The following IDH2 variants were observed in gnomAD, a reference collection of about 807,000 sequenced individuals.
The protein encoded by IDH2 is isocitrate dehydrogenase (NADP(+)) 2.
Under a neutral mutation model 50.5 loss-of-function variants are expected in IDH2, and 18 were observed. The observed-to-expected ratio is 0.36, with a 90% CI of 0.25 to 0.53. IDH2 has a LOEUF of 0.53. Ranked by LOEUF, IDH2 falls within the 20% of genes least tolerant of loss-of-function variation. IDH2 has a pLI of 0.92. For missense variants in IDH2, 518 were observed against 610.7 expected, an observed-to-expected ratio of 0.85 and a Z score of 1.60; for synonymous variants, 280 against 239.8, an observed-to-expected ratio of 1.17 and a Z score of -1.55.
Position 90,084,673 on chromosome 15 carries a change from C to T in IDH2, c.1271+143G>A. ...CTAGACCTGGTCTACAGAGGCTGGCCTGAGCAGTCTCTCAGGGCTGTGGAC... is the reference window on the plus strand; with the variant it reads ...CTAGACCTGGTCTACAGAGGCTGGCTTGAGCAGTCTCTCAGGGCTGTGGAC... On this transcript the variant is annotated intron_variant, in intron 10 of 10. Transcript: ENST00000330062. This position sits in a 1 kb window ranked among gnomAD's most constrained non-coding sequence, Gnocchi z 5.0. 1.3e-6 allele frequency: 1 copy of T among 767,862 alleles called. No homozygotes were observed. Among genetic ancestry groups the T allele is most frequent in the Non-Finnish European group, 2.3e-6 (1 of 437,316 alleles). The allele number at this position is 767,862 out of a possible 1,614,324, so 47.6% of individuals were successfully genotyped here.
Position 90,085,205 on chromosome 15 carries a change from G to T in IDH2, c.1080+70C>A. 2 of 1,524,556 alleles carry T rather than the reference G, an allele frequency of 1.3e-6. No individual in the cohort carries two copies. Among genetic ancestry groups the T allele is most frequent in the South Asian group, 1.1e-5 (1 of 87,912 alleles). The allele number at this position is 1,524,556 out of a possible 1,614,324, so 94.4% of individuals were successfully genotyped here. A position where few individuals can be genotyped will look rare whatever the true frequency, so the allele number is the denominator to read the frequency against. Reference sequence around the variant, plus strand: ...CTGGTGGGTCAGGCTCGTCCTTCCAGCCCTCAGCCCAGTGGGCTTTAGGCC... The same window carrying T: ...CTGGTGGGTCAGGCTCGTCCTTCCATCCCTCAGCCCAGTGGGCTTTAGGCC... On this transcript the variant is annotated intron_variant, in intron 8 of 10. Coordinates refer to ENST00000330062, the MANE Select transcript of IDH2 (RefSeq NM_002168.4). This position sits in a 1 kb window ranked among gnomAD's most constrained non-coding sequence, Gnocchi z 5.5.
intron 1 of IDH2, among the ~76,000 whole-genome samples, chr15:90,094,146 C>A (rs917240749): frequency 2.6e-5 from 4 of 152,156 alleles, no homozygotes; most frequent in African/African-American, 9.7e-5. Flanking sequence ...AGGGGCTGAT[C>A]AGAGGTCCAG....
In IDH2 at chr15:90,100,538, C is replaced by T. The variant is rs1379636775; in HGVS notation, c.115+1738G>A. 1 of 739,992 alleles carries T rather than the reference C, an allele frequency of 1.4e-6. No individual in the cohort carries two copies. Among genetic ancestry groups the T allele is most frequent in the African/African-American group, 1.9e-5 (1 of 52,446 alleles). The allele number at this position is 739,992 out of a possible 1,614,324, so 45.8% of individuals were successfully genotyped here. A position where few individuals can be genotyped will look rare whatever the true frequency, so the allele number is the denominator to read the frequency against. On this transcript the variant is annotated intron_variant, in intron 1 of 10. Coordinates refer to ENST00000330062, the MANE Select transcript of IDH2 (RefSeq NM_002168.4). This position sits in a 1 kb window ranked among gnomAD's most constrained non-coding sequence, Gnocchi z 4.1. ...TAAGTAATTCTGCCACTGAGCCGTT[C>T]ACAGAACTGGTCCGCACTGCCCCAA...
Position 90,085,531 on chromosome 15 carries a change from G to C in IDH2, c.968-144C>G. The C allele has an allele frequency of 1.4e-6, 1 of 714,942 alleles. No homozygotes were observed. Among genetic ancestry groups the C allele is most frequent in the East Asian group, 2.7e-5 (1 of 37,242 alleles). The allele number at this position is 714,942 out of a possible 1,614,324, so 44.3% of individuals were successfully genotyped here. On this transcript the variant is annotated intron_variant, in intron 7 of 10. Coordinates refer to ENST00000330062, the MANE Select transcript of IDH2 (RefSeq NM_002168.4). The surrounding 1 kb of genome is among the most constrained non-coding windows in gnomAD (Gnocchi z 5.5). ...TCCCCCAGCTGCAACTGGGAGGACA[G>C]GGACTGTTCCAGGTCTCTTCACCCT...
At chr15:90,099,535 G>A (rs1901275652) in intron 1 of IDH2, among the ~76,000 whole-genome samples, 1 of 152,188 alleles carries the variant, frequency 6.6e-6, no homozygotes, top group Admixed American at 6.5e-5. Context: ...TGGCACAATT[G>A]TACCTCACTG....
At position 90,083,130 on chromosome 15, in the gene IDH2, T is replaced by TA. The variant is rs1900767647; in HGVS notation, c.*1135_*1136insT. The TA allele has an allele frequency of 8.6e-6, 1 of 116,122 alleles. No homozygotes were observed. Among genetic ancestry groups the TA allele is most frequent in the Non-Finnish European group, 1.8e-5 (1 of 56,168 alleles). The allele number at this position is 116,122 out of a possible 1,614,324, so 7.2% of individuals were successfully genotyped here. ...ACTTGCATAGAGCAATTTTTTTTTTTTTTTTTTTTTTTTTTTTTTTGAGAC... is the reference window on the plus strand; with the variant it reads ...ACTTGCATAGAGCAATTTTTTTTTTTATTTTTTTTTTTTTTTTTTTTGAGAC... On this transcript the variant is annotated 3_prime_UTR_variant, in exon 11 of 11. Transcript: ENST00000330062.
At position 90,085,883 on chromosome 15, in the gene IDH2, T is replaced by C. The variant is rs1427217749; in HGVS notation, c.968-496A>G. ...CCACATGTCAACTCCAGCAAGCTTT[T>C]CTATTGTCAAGGACTCCAGGGCTTC... On this transcript the variant is annotated intron_variant, in intron 7 of 10. Transcript: ENST00000330062. This position sits in a 1 kb window ranked among gnomAD's most constrained non-coding sequence, Gnocchi z 5.5. Among the ~76,000 whole-genome samples the C allele has an allele frequency of 1.3e-5, 2 of 152,204 alleles. No individual in the cohort carries two copies. The highest frequency in any genetic ancestry group is 4.8e-5 in the African/African-American group (2 of 41,442).
Position 90,091,650 on chromosome 15 carries a change from AG to A in IDH2, c.116-7del. 5 of 1,613,138 alleles carry A rather than the reference AG, an allele frequency of 3.1e-6. No individual in the cohort carries two copies. The highest frequency in any genetic ancestry group is 4.2e-6 in the Non-Finnish European group (5 of 1,179,036). ...CTTGATCCTTTTGTCGGCATCTAGA[AG>A]CAGGGACACACAGCGCATCATGCCC... On this transcript the variant is annotated splice_polypyrimidine_tract_variant and splice_region_variant and intron_variant, in intron 1 of 10. Transcript: ENST00000330062.
rs751842511 is a variant in IDH2 at position 90,085,146 on chromosome 15, G to A, written c.1081-48C>T. 4.6e-5 allele frequency: 73 copies of A among 1,587,592 alleles called. No individual in the cohort carries two copies. The highest frequency in any genetic ancestry group is 2.0e-4 in the Admixed American group (12 of 59,930). ...GATCAAGAGCCGAGCCAGCTAGTGA[G>A]GAGGCTGCCCAGATACAGCTGCCCG... is the stretch of plus-strand genomic sequence containing the variant. On this transcript the variant is annotated intron_variant, in intron 8 of 10. Coordinates refer to ENST00000330062, the MANE Select transcript of IDH2 (RefSeq NM_002168.4). This position sits in a 1 kb window ranked among gnomAD's most constrained non-coding sequence, Gnocchi z 5.5.
In IDH2 at chr15:90,088,445, G is replaced by A. The variant is rs1310664391; in HGVS notation, c.592C>T (p.Pro198Ser). The A allele has an allele frequency of 6.2e-7, 1 of 1,614,186 alleles. No homozygotes were observed. The highest frequency in any genetic ancestry group is 1.3e-5 in the African/African-American group (1 of 75,052). Reference sequence around the variant, plus strand: ...TCCTTGACACCACTGCCATCTTTTGGGGTGAAGACCATTTTGAAAGTGCCG... The same window carrying A: ...TCCTTGACACCACTGCCATCTTTTGAGGTGAAGACCATTTTGAAAGTGCCG... The part of the protein sequence containing the change: ...RAGTFKMVFT[P>S]KDGSGVKEWE... The change falls in exon 5 of 11, where the codon CCA becomes TCA. Residue 198 changes from proline (P) to serine (S), a missense_variant. Physicochemically the swap from Pro to Ser is moderately conservative, Grantham distance 74. Transcript: ENST00000330062.
At chr15:90,101,462 G>A (rs1235761126) in intron 1 of IDH2, among the ~76,000 whole-genome samples, 2 of 152,210 alleles carry the variant, frequency 1.3e-5, no homozygotes, top group African/African-American at 4.8e-5. Flanking sequence ...CTCGGGCTAA[G>A]TCTTGCTTAT....
chr15:90,088,566 C>G (rs1338437488), intron 4 of IDH2, 21 bp downstream of exon 4: 1 of 1,614,182 alleles, frequency 6.2e-7, no homozygotes. Context: ...GTCAGTGGAT[C>G]CCCTCTCCAC....
At position 90,090,513 on chromosome 15, in the gene IDH2, A is replaced by G; in HGVS notation, c.339T>C (p.Cys113=). The part of the protein sequence containing the change: ...ATQKYSVAVK[C]ATITPDEARV... ...GGGCCTCATCAGGGGTGATGGTGGC[A>G]CACTTGACAGCCACACTGTACTTCT... The change falls in exon 3 of 11, where the codon TGT becomes TGC. Residue 113 remains cysteine, a synonymous_variant. Coordinates refer to ENST00000330062, the MANE Select transcript of IDH2 (RefSeq NM_002168.4). The G allele has an allele frequency of 6.2e-7, 1 of 1,613,932 alleles. No homozygotes were observed. The highest frequency in any genetic ancestry group is 8.5e-7 in the Non-Finnish European group (1 of 1,180,004).
chr15:90,084,485 G>A lies in IDH2; in HGVS notation c.1272-132C>T. 1 of 834,856 alleles carries A rather than the reference G, an allele frequency of 1.2e-6. No homozygotes were observed. Among genetic ancestry groups the A allele is most frequent in the East Asian group, 2.6e-5 (1 of 37,792 alleles). The allele number at this position is 834,856 out of a possible 1,614,324, so 51.7% of individuals were successfully genotyped here. On this transcript the variant is annotated intron_variant, in intron 10 of 10. Transcript: ENST00000330062. This position sits in a 1 kb window ranked among gnomAD's most constrained non-coding sequence, Gnocchi z 5.0. ...CTCCTGCCACCCAGACTACAGGCCAGAGGCCAGCTATAGCCCCCTACCATG... is the reference window on the plus strand; with the variant it reads ...CTCCTGCCACCCAGACTACAGGCCAAAGGCCAGCTATAGCCCCCTACCATG...
chr15:90,097,668 CGGGAAGT>C (rs1567259234), intron 1 of IDH2, among the ~76,000 whole-genome samples: 2 of 121,646 alleles, frequency 1.6e-5, no homozygotes, highest in African/African-American at 2.5e-5. Flanking sequence ...GGACTGGGGA[CGGGAAGT>C]GGGGAGGTAT....
At chr15:90,089,589 A>G (rs1900977956) in intron 3 of IDH2, among the ~76,000 whole-genome samples, 2 of 152,192 alleles carry the variant, frequency 1.3e-5, no homozygotes, top group African/African-American at 4.8e-5. Flanking sequence ...CAACACTCAA[A>G]TGATCCCAGT....
At chr15:90,099,381 G>T (rs573548924) in intron 1 of IDH2, among the ~76,000 whole-genome samples, 1 of 152,080 alleles carries the variant, frequency 6.6e-6, no homozygotes, top group African/African-American at 2.4e-5. Flanking sequence ...CCTCCTCAGC[G>T]ATTCCTTCAG....
In IDH2 at chr15:90,084,172, G is replaced by C; in HGVS notation, c.*94C>G. 1 of 955,814 alleles carries C rather than the reference G, an allele frequency of 1.0e-6. No individual in the cohort carries two copies. The highest frequency in any genetic ancestry group is 1.9e-5 in the Admixed American group (1 of 51,558). 59.2% of individuals were successfully genotyped at this position (955,814 alleles called of 1,614,324 possible). ...AAAACATCCCCTAGAAAGGCCTCCA[G>C]AGAGGGGCTGTGAGGCTCACCCTCT... On this transcript the variant is annotated 3_prime_UTR_variant, in exon 11 of 11. Transcript: ENST00000330062. This position sits in a 1 kb window ranked among gnomAD's most constrained non-coding sequence, Gnocchi z 5.0.
Position 90,102,348 on chromosome 15 carries a change from A to G in IDH2, c.43T>C (p.Ser15Pro), listed in dbSNP as rs2151558055. 4 of 1,367,574 alleles carry G rather than the reference A, an allele frequency of 2.9e-6. No homozygotes were observed. Among genetic ancestry groups the G allele is most frequent in the Non-Finnish European group, 3.8e-6 (4 of 1,049,862 alleles). The allele number at this position is 1,367,574 out of a possible 1,614,324, so 84.7% of individuals were successfully genotyped here. The change falls in exon 1 of 11, where the codon TCA becomes CCA. Residue 15 changes from serine to proline, a missense_variant. Physicochemically the swap from Ser to Pro is moderately conservative, Grantham distance 74. This residue lies in a region of IDH2 where 85 missense variants were observed against 66.9 expected (regional missense o/e 1.27). Coordinates refer to ENST00000330062, the MANE Select transcript of IDH2 (RefSeq NM_002168.4). Reference protein sequence around the residue: ...LRVVRSLCRASGSRPAWAPAA... With the variant: ...LRVVRSLCRAPGSRPAWAPAA... ...GGCGCCCAGGCCGGCCGCGAGCCTGAGGCTCTGCAGAGCGAGCGCACGACC... is the reference window on the plus strand; with the variant it reads ...GGCGCCCAGGCCGGCCGCGAGCCTGGGGCTCTGCAGAGCGAGCGCACGACC...
Sources: allele counts gnomAD v4.1 joint callset (sites outside exome capture counted in the v4.1 genomes callset), GRCh38; gene constraint gnomAD v4.1.1; regional missense constraint gnomAD v4.1.1; non-coding constraint Gnocchi (gnomAD v3.1); transcripts MANE v1.5; gene names NCBI Gene and HGNC (gene_info 2026-07-23, HGNC 2026-07-21).